The following CDC14B variants were observed in gnomAD, a reference collection of about 807,000 sequenced individuals.
CDC14B encodes the protein dual specificity protein phosphatase CDC14B.
In CDC14B, 22 loss-of-function variants were observed where a neutral mutation model predicts 64.2. The observed-to-expected ratio is 0.34, with a 90% CI of 0.24 to 0.49. The LOEUF (loss-of-function observed/expected upper bound fraction) is 0.49. Among genes scored for constraint, CDC14B ranks in the 20% least tolerant of loss-of-function variants. The pLI, the probability that CDC14B is intolerant of heterozygous loss-of-function variation, is 0.99. For synonymous variants in CDC14B, 191 were observed against 215.8 expected, an observed-to-expected ratio of 0.89 and a Z score of 1.01; for missense variants, 498 against 629.9, an observed-to-expected ratio of 0.79 and a Z score of 2.24.
intron 5 of CDC14B, among the ~76,000 whole-genome samples, chr9:96,547,460 T>C (rs1841107437): frequency 1.3e-5 from 2 of 150,758 alleles, no homozygotes; most frequent in African/African-American, 2.4e-5. Flanking sequence ...AGCGAGAGTC[T>C]GTCTTAAAAA....
At chr9:96,574,105 C>T (rs1334910054) in intron 1 of CDC14B, among the ~76,000 whole-genome samples, 1 of 151,716 alleles carries the variant, frequency 6.6e-6, no homozygotes, top group African/African-American at 2.4e-5. Context: ...CGAGATCGCA[C>T]CACTGAACTC....
chr9:96,519,945 G>C (rs1031631349), intron 12 of CDC14B, among the ~76,000 whole-genome samples: 1 of 152,130 alleles, frequency 6.6e-6, no homozygotes, highest in Non-Finnish European at 1.5e-5. Context: ...AATTGATTTT[G>C]TATTTTTCAA....
At chr9:96,495,887 A>C (rs904484673), downstream of CDC14B, among the ~76,000 whole-genome samples, 4 of 152,212 alleles carry the variant, frequency 2.6e-5, no homozygotes, top group African/African-American at 4.8e-5. Flanking sequence ...TCCACACGGC[A>C]TCTGTACAAA....
chr9:96,599,512 A>C (rs1846292771), intron 1 of CDC14B, among the ~76,000 whole-genome samples: 1 of 152,216 alleles, frequency 6.6e-6, no homozygotes, highest in Non-Finnish European at 1.5e-5. Context: ...GCTATCTCTC[A>C]ATTCAAAGAG....
chr9:96,551,969 A>G, intron 4 of CDC14B, 97 bp from the exon 5 acceptor site: 1 of 1,456,130 alleles, frequency 6.9e-7, no homozygotes, highest in Non-Finnish European at 9.1e-7. Context: ...CAACCAACTG[A>G]GCAGGGTTCT....
chr9:96,544,027 G>A (rs2131903486), intron 5 of CDC14B, among the ~76,000 whole-genome samples: 1 of 152,056 alleles, frequency 6.6e-6, no homozygotes, highest in East Asian at 1.9e-4. Context: ...GACCATCCTG[G>A]CCAACATGGT....
intron 1 of CDC14B, among the ~76,000 whole-genome samples, chr9:96,579,697 C>T (rs1845026194): frequency 6.6e-6 from 1 of 152,110 alleles, no homozygotes; most frequent in Non-Finnish European, 1.5e-5. Context: ...AGGACAGAGG[C>T]CTCAGCAGAA....
rs759059235 is a variant in CDC14B at position 96,534,148 on chromosome 9, T to C, written c.725A>G (p.Gln242Arg). 6.3e-7 allele frequency: 1 copy of C among 1,588,336 alleles called. No individual in the cohort carries two copies. The highest frequency in any genetic ancestry group is 8.6e-7 in the Non-Finnish European group (1 of 1,159,458). The change falls in exon 9 of 14, where the codon CAA becomes CGA. Residue 242 changes from glutamine (Q) to arginine (R), a missense_variant. Gln to Arg is a conservative substitution (Grantham distance 43, BLOSUM62 1). Coordinates refer to ENST00000375241, the MANE Select transcript of CDC14B (RefSeq NM_033331.4). Reference sequence around the variant, plus strand: ...TTGAATATAAGTCTCAGGAGAATGTTGGTGGTAACCTACATAAAGAAATGC... The same window carrying C: ...TTGAATATAAGTCTCAGGAGAATGTCGGTGGTAACCTACATAAAGAAATGC... Reference protein sequence around the residue: ...SRARLESGYHQHSPETYIQYF... With the variant: ...SRARLESGYHRHSPETYIQYF...
chr9:96,578,379 C>T (rs747189051), intron 1 of CDC14B, among the ~76,000 whole-genome samples: 1 of 152,112 alleles, frequency 6.6e-6, no homozygotes, highest in Non-Finnish European at 1.5e-5. Context: ...TGACTTGTTT[C>T]GAAGAATACA....
chr9:96,599,143 G>A (rs902811328), intron 1 of CDC14B, among the ~76,000 whole-genome samples: 9 of 152,258 alleles, frequency 5.9e-5, no homozygotes, highest in African/African-American at 2.2e-4. Context: ...ACTTTGGGAG[G>A]CCAAGGTGGG....
At chr9:96,518,592 C>A (rs1836121313) in intron 12 of CDC14B, among the ~76,000 whole-genome samples, 1 of 152,094 alleles carries the variant, frequency 6.6e-6, no homozygotes, top group East Asian at 1.9e-4. Context: ...GAAATACAGC[C>A]TAACCTTACC....
At chr9:96,595,283 C>CCTTA (rs1846007138) in intron 1 of CDC14B, among the ~76,000 whole-genome samples, 1 of 152,158 alleles carries the variant, frequency 6.6e-6, no homozygotes, top group Admixed American at 6.5e-5. Context: ...AGGTTTATAA[C>CCTTA]AATACGAAAA....
intron 1 of CDC14B, among the ~76,000 whole-genome samples, chr9:96,599,252 G>A (rs1846274824): frequency 6.6e-6 from 1 of 151,980 alleles, no homozygotes; most frequent in Admixed American, 6.6e-5. Flanking sequence ...ATCATGATGG[G>A]TGCCTGTAAT....
Position 96,534,096 on chromosome 9 carries a change from G to T in CDC14B, c.777C>A (p.Thr259=). The change falls in exon 9 of 14, where the codon ACC becomes ACA. Residue 259 remains threonine, a synonymous_variant. Coordinates refer to ENST00000375241, the MANE Select transcript of CDC14B (RefSeq NM_033331.4). ...ACATCCTTTTATTCAGACGAATAAT[G>T]GTAGTAACATTGTGATTCTTAAAAT... ...IQYFKNHNVT[T]IIRLNKRMYD... 1.2e-6 allele frequency: 2 copies of T among 1,611,366 alleles called. No individual in the cohort carries two copies. The highest frequency in any genetic ancestry group is 1.7e-6 in the Non-Finnish European group (2 of 1,177,934).
intron 12 of CDC14B, among the ~76,000 whole-genome samples, chr9:96,520,907 C>T (rs892470726): frequency 1.3e-5 from 2 of 151,672 alleles, no homozygotes; most frequent in Non-Finnish European, 2.9e-5. Flanking sequence ...GTGCTGCCTG[C>T]CTCCTCCACC....
chr9:96,587,242 A>C (rs1845500159), intron 1 of CDC14B, among the ~76,000 whole-genome samples: 1 of 152,042 alleles, frequency 6.6e-6, no homozygotes, highest in Non-Finnish European at 1.5e-5. Flanking sequence ...CTAAAACATC[A>C]CCATCCAAAA....
intron 1 of CDC14B, among the ~76,000 whole-genome samples, chr9:96,573,156 A>G (rs1452609527): frequency 6.6e-6 from 1 of 152,124 alleles, no homozygotes; most frequent in African/African-American, 2.4e-5. Context: ...TAAAAATACA[A>G]AAAATTAGCT....
chr9:96,560,915 A>G (rs143504207), intron 4 of CDC14B, among the ~76,000 whole-genome samples: 1 of 151,904 alleles, frequency 6.6e-6, no homozygotes, highest in African/African-American at 2.4e-5. Context: ...GATGATAATA[A>G]ATTTTGAAGT....
At chr9:96,496,117 C>T (rs1161604779), downstream of CDC14B, 2 of 359,646 alleles carry the variant, frequency 5.6e-6, no homozygotes, top group South Asian at 2.1e-5. Context: ...GTCAGCCCGG[C>T]CATTCCCAAC....
Sources: gnomAD v4.1 joint callset for allele counts (sites outside exome capture counted in the v4.1 genomes callset) on GRCh38, gnomAD v4.1.1 for gene constraint, MANE v1.5 for transcripts, NCBI Gene and HGNC (gene_info 2026-07-23, HGNC 2026-07-21) for gene names.